RAI14: variants seen among roughly 807,000 people sequenced by gnomAD.
The protein encoded by RAI14 is ankycorbin.
A neutral mutation model predicts 115.4 loss-of-function variants in RAI14; 45 were observed. That is an observed-to-expected ratio of 0.39 (90% confidence interval 0.31 to 0.50). The LOEUF (loss-of-function observed/expected upper bound fraction) is 0.50. RAI14 is among the 20% of genes least tolerant of loss of function. The pLI, the probability that RAI14 is intolerant of heterozygous loss-of-function variation, is 0.85. For synonymous variants in RAI14, 371 were observed against 415.4 expected, an observed-to-expected ratio of 0.89 and a Z score of 1.30; for missense variants, 939 against 1,131.2, an observed-to-expected ratio of 0.83 and a Z score of 2.44.
At chr5:34,774,707 A>T (rs1387531219) in intron 3 of RAI14, among the ~76,000 whole-genome samples, 1 of 151,938 alleles carries the variant, frequency 6.6e-6, no homozygotes, top group Non-Finnish European at 1.5e-5. Flanking sequence ...CAGTCTACAG[A>T]TTCAATGCAA....
At chr5:34,824,658 G>C (rs1276907784) in intron 15 of RAI14, among the ~76,000 whole-genome samples, 167 bp downstream of exon 15, 1 of 152,104 alleles carries the variant, frequency 6.6e-6, no homozygotes, top group Non-Finnish European at 1.5e-5. Flanking sequence ...TAGTTTGTTG[G>C]GTCGGCCGGA....
intron 2 of RAI14, among the ~76,000 whole-genome samples, chr5:34,729,816 C>T (rs1743951393): frequency 6.6e-6 from 1 of 152,092 alleles, no homozygotes; most frequent in Non-Finnish European, 1.5e-5. Context: ...ATGTATGAAC[C>T]TCATTTGTAA....
In RAI14 at chr5:34,811,111, A is replaced by C. The variant is rs761618583; in HGVS notation, c.550A>C (p.Ser184Arg). 5 of 1,613,928 alleles carry C rather than the reference A, an allele frequency of 3.1e-6. No homozygotes were observed. Among genetic ancestry groups the C allele is most frequent in the Non-Finnish European group, 2.5e-6 (3 of 1,180,020 alleles). The change falls in exon 8 of 18, where the codon AGT becomes CGT. Residue 184 changes from serine to arginine, a missense_variant. Ser to Arg is a moderately radical substitution (Grantham distance 110). Coordinates refer to ENST00000265109, the MANE Select transcript of RAI14 (RefSeq NM_015577.3). ...AGCAGATGTCAATTCCAGGAACAAA[A>C]GTGGAAGGTACTCCAGAATTAGGCA... ...HGADVNSRNK[S>R]GRTALMLACE...
At chr5:34,764,535 T>TG (rs1456201307) in intron 3 of RAI14, among the ~76,000 whole-genome samples, 1 of 91,060 alleles carries the variant, frequency 1.1e-5, no homozygotes, top group African/African-American at 9.1e-5. Flanking sequence ...CACAGGTGAA[T>TG]TTTCTCTCTC....
intron 7 of RAI14, 146 bp from the exon 8 acceptor site, chr5:34,810,866 G>A (rs111531050): frequency 0.15 from 181,587 of 1,218,422 alleles, 15,542 homozygotes; most frequent in South Asian, 0.18. Flanking sequence ...ACTCTATAGG[G>A]GTACAGAATA....
chr5:34,674,451 A>G (rs1743830026), intron 1 of RAI14, among the ~76,000 whole-genome samples: 1 of 152,176 alleles, frequency 6.6e-6, no homozygotes, highest in Admixed American at 6.6e-5. Flanking sequence ...CTGGCAATTC[A>G]TTCTTTCTAG....
At position 34,803,409 on chromosome 5, in the gene RAI14, G is replaced by A. The variant is rs1754501455; in HGVS notation, c.257-303G>A. Reference sequence around the variant, plus strand: ...CAAAAAATACAAAAATTACCCAGGTGTGGTGTCATGCTATTTGGGAGGCTA... The same window carrying A: ...CAAAAAATACAAAAATTACCCAGGTATGGTGTCATGCTATTTGGGAGGCTA... On this transcript the variant is annotated intron_variant, in intron 4 of 17. Coordinates refer to ENST00000265109, the MANE Select transcript of RAI14 (RefSeq NM_015577.3). Among the ~76,000 whole-genome samples, 4 of 152,088 alleles carry A rather than the reference G, an allele frequency of 2.6e-5. No individual in the cohort carries two copies. The South Asian group carries it at 8.3e-4, about 32-fold the overall frequency.
intron 1 of RAI14, among the ~76,000 whole-genome samples, chr5:34,678,327 G>T (rs1744141931): frequency 6.6e-6 from 1 of 152,120 alleles, no homozygotes; most frequent in Non-Finnish European, 1.5e-5. Context: ...ACAGATGTTT[G>T]TTTTACTTTT....
At chr5:34,798,281 C>T (rs1258183448) in intron 4 of RAI14, among the ~76,000 whole-genome samples, 3 of 152,070 alleles carry the variant, frequency 2.0e-5, no homozygotes, top group African/African-American at 7.2e-5. Context: ...TCAGGTGATC[C>T]ACCCGCCTTG....
At chr5:34,797,379 T>C (rs1753668175) in intron 4 of RAI14, among the ~76,000 whole-genome samples, 1 of 152,062 alleles carries the variant, frequency 6.6e-6, no homozygotes, top group African/African-American at 2.4e-5. Context: ...ATTGTTTTCA[T>C]TGTGTGAGGA....
chr5:34,740,883 G>A (rs1319451400), intron 2 of RAI14, among the ~76,000 whole-genome samples: 1 of 152,194 alleles, frequency 6.6e-6, no homozygotes, highest in East Asian at 1.9e-4. Flanking sequence ...GCCCTTTCTT[G>A]AGAACTATAA....
intron 2 of RAI14, among the ~76,000 whole-genome samples, chr5:34,722,930 A>G (rs1334048543): frequency 6.6e-6 from 1 of 151,414 alleles, no homozygotes; most frequent in African/African-American, 2.4e-5. Context: ...ATGTATAAAT[A>G]AATTAAAAAA....
At chr5:34,829,641 A>C in intron 16 of RAI14, 91 bp from the exon 17 acceptor site, 1 of 1,037,458 alleles carries the variant, frequency 9.6e-7, no homozygotes, top group Non-Finnish European at 1.4e-6. Flanking sequence ...CCACTTGGGT[A>C]GCATTTGGCT....
At chr5:34,806,360 G>C (rs750984182) in intron 5 of RAI14, among the ~76,000 whole-genome samples, 3 of 152,154 alleles carry the variant, frequency 2.0e-5, no homozygotes, top group African/African-American at 7.2e-5. Flanking sequence ...AGTGTGAGGG[G>C]CTTTTAAGTA....
intron 2 of RAI14, among the ~76,000 whole-genome samples, chr5:34,696,285 C>T (rs1470129192): frequency 6.6e-6 from 1 of 152,058 alleles, no homozygotes; most frequent in Non-Finnish European, 1.5e-5. Flanking sequence ...CTACAGGTGC[C>T]TGCCACCACG....
intron 2 of RAI14, among the ~76,000 whole-genome samples, chr5:34,696,340 G>A (rs1739234733): frequency 6.6e-6 from 1 of 151,948 alleles, no homozygotes; most frequent in African/African-American, 2.4e-5. Context: ...GTTTCACTGT[G>A]TTAGCCAGGA....
rs1752936354 is a variant in RAI14, at chr5:34,791,713, CA to C, written c.168-4225del. Among the ~76,000 whole-genome samples the C allele has an allele frequency of 6.6e-6, 1 of 152,126 alleles. No individual in the cohort carries two copies. The highest frequency in any genetic ancestry group is 1.5e-5 in the Non-Finnish European group (1 of 68,026). On this transcript the variant is annotated intron_variant, in intron 3 of 17. Transcript: ENST00000265109. This position sits in a 1 kb window ranked among gnomAD's most constrained non-coding sequence, Gnocchi z 5.4. ...AATATGTGGCCAGATTAGGGGAAAC[CA>C]GTAAGGTTGGGAATGCCGCCCAGGA...
intron 2 of RAI14, among the ~76,000 whole-genome samples, chr5:34,740,460 G>C (rs889682864): frequency 6.6e-6 from 1 of 152,200 alleles, no homozygotes; most frequent in Non-Finnish European, 1.5e-5. Context: ...AGAATCCCTT[G>C]TGATCTTTAA....
chr5:34,749,118 C>T (rs1746675654), intron 2 of RAI14, among the ~76,000 whole-genome samples: 1 of 152,164 alleles, frequency 6.6e-6, no homozygotes, highest in African/African-American at 2.4e-5. Context: ...CCAGTGAAAA[C>T]AGTTTACTTT....
Sources: gnomAD v4.1 joint callset for allele counts (sites outside exome capture counted in the v4.1 genomes callset) on GRCh38, gnomAD v4.1.1 for gene constraint, Gnocchi (gnomAD v3.1) non-coding constraint, MANE v1.5 for transcripts, NCBI Gene and HGNC (gene_info 2026-07-23, HGNC 2026-07-21) for gene names.